The following CSMD3 variants were observed in gnomAD, a reference collection of about 807,000 sequenced individuals.
CSMD3 encodes CUB and sushi domain-containing protein 3.
Under a neutral mutation model 435.2 loss-of-function variants are expected in CSMD3, and 177 were observed. The ratio of observed to expected loss-of-function variants is 0.41; its 90% CI spans 0.36 to 0.46. The LOEUF is 0.46. Among genes scored for constraint, CSMD3 ranks in the 20% least tolerant of loss-of-function variants. The probability of loss-of-function intolerance (pLI) is 0.34; values close to 1 mark genes in which losing one functional copy is unlikely to be tolerated. For missense variants in CSMD3, 4,265 were observed against 4,504.6 expected, an observed-to-expected ratio of 0.95 and a Z score of 1.52; for synonymous variants, 1,656 against 1,520.5, an observed-to-expected ratio of 1.09 and a Z score of -2.07.
intron 3 of CSMD3, among the ~76,000 whole-genome samples, chr8:113,182,376 T>G (rs992303224): frequency 6.6e-6 from 1 of 151,940 alleles, no homozygotes; most frequent in African/African-American, 2.4e-5. Context: ...CAGAATAAGT[T>G]GCTTTTAATA....
At chr8:112,749,102 C>CT (rs2077507578) in intron 13 of CSMD3, among the ~76,000 whole-genome samples, 1 of 151,992 alleles carries the variant, frequency 6.6e-6, no homozygotes, top group South Asian at 2.1e-4. Flanking sequence ...TGATATTGAG[C>CT]TTTTTTTCAT....
chr8:112,907,852 G>C (rs1443101374), intron 10 of CSMD3, among the ~76,000 whole-genome samples: 1 of 151,402 alleles, frequency 6.6e-6, no homozygotes, highest in Non-Finnish European at 1.5e-5. Flanking sequence ...CATATTCTAT[G>C]ATACTAGTGA....
chr8:112,682,644 A>G lies in CSMD3; in HGVS notation c.2483-8T>C. ...ATTCATTATGTCCAAATGCTTTAGAATAATATGCAAAGAAAAATACACAAA... is the reference window on the plus strand; with the variant it reads ...ATTCATTATGTCCAAATGCTTTAGAGTAATATGCAAAGAAAAATACACAAA... On this transcript the variant is annotated splice_region_variant and splice_polypyrimidine_tract_variant and intron_variant, in intron 15 of 70. Coordinates refer to ENST00000297405, the MANE Select transcript of CSMD3 (RefSeq NM_198123.2). 3 of 1,582,928 alleles carry G rather than the reference A, an allele frequency of 1.9e-6. No homozygotes were observed. The African/African-American group carries it at 4.0e-5, about 21-fold the overall frequency.
chr8:112,756,376 G>A (rs1258654336), intron 13 of CSMD3, among the ~76,000 whole-genome samples: 2 of 152,052 alleles, frequency 1.3e-5, no homozygotes, highest in Non-Finnish European at 2.9e-5. Flanking sequence ...GTTCCTAATA[G>A]GAGTATTTTA....
intron 4 of CSMD3, among the ~76,000 whole-genome samples, chr8:113,129,021 C>T (rs1287207475): frequency 6.6e-6 from 1 of 152,098 alleles, no homozygotes; most frequent in Non-Finnish European, 1.5e-5. Flanking sequence ...AGACTCTCTT[C>T]CATTTGGAAG....
intron 9 of CSMD3, among the ~76,000 whole-genome samples, chr8:112,934,683 C>T (rs538873270): frequency 7.9e-5 from 12 of 152,030 alleles, no homozygotes; most frequent in Middle Eastern, 3.4e-3. Flanking sequence ...GTTGCTTAGC[C>T]ACAGCTACTA....
At chr8:112,581,851 C>T (rs926379451) in intron 23 of CSMD3, among the ~76,000 whole-genome samples, 2 of 151,870 alleles carry the variant, frequency 1.3e-5, no homozygotes, top group Non-Finnish European at 2.9e-5. Context: ...GGTGAGTTTA[C>T]CAGTTTATAG....
At chr8:112,335,737 G>GTT (rs60064881) in intron 44 of CSMD3, among the ~76,000 whole-genome samples, 26,187 of 134,178 alleles carry the variant, frequency 0.2, 2,768 homozygotes, top group Middle Eastern at 0.34. Context: ...CATTGTCTTT[G>GTT]TTTTTTTTTT....
chr8:112,894,079 C>A lies in CSMD3; in HGVS notation c.1633+27548G>T, dbSNP rs192651687. ...ACAAACAAACAAACAAGAAACACAA[C>A]AAAGGGTTTCTGTAATATCAAACTT... On this transcript the variant is annotated intron_variant, in intron 10 of 70. Transcript: ENST00000297405. Among the ~76,000 whole-genome samples, 226 of 151,500 alleles carry A rather than the reference C, an allele frequency of 1.5e-3. 1 individual carries two copies. The highest frequency in any genetic ancestry group is 5.3e-3 in the African/African-American group (221 of 41,458).
chr8:113,143,287 C>T (rs542937430), intron 4 of CSMD3, among the ~76,000 whole-genome samples: 1 of 151,218 alleles, frequency 6.6e-6, no homozygotes, highest in South Asian at 2.1e-4. Flanking sequence ...ATATATCCAC[C>T]AGAATGGCTA....
At chr8:113,322,226 A>T (rs1402861384) in intron 1 of CSMD3, among the ~76,000 whole-genome samples, 1 of 152,146 alleles carries the variant, frequency 6.6e-6, no homozygotes, top group Non-Finnish European at 1.5e-5. Context: ...ACTTTTACTC[A>T]TAAATTTATT....
In CSMD3 at chr8:112,764,262, T is replaced by C. The variant is rs531876248; in HGVS notation, c.1972+35900A>G. 1.1e-3 allele frequency among the ~76,000 whole-genome samples: 160 copies of C among 151,622 alleles called. 1 individual carries two copies. The highest frequency in any genetic ancestry group is 3.6e-3 in the African/African-American group (149 of 41,484). On this transcript the variant is annotated intron_variant, in intron 13 of 70. Coordinates refer to ENST00000297405, the MANE Select transcript of CSMD3 (RefSeq NM_198123.2). ...ATGAGTGGAGGGAACAGCATTTTCATTTTAAGCAAAAATTTAAAAACTTCT... is the reference window on the plus strand; with the variant it reads ...ATGAGTGGAGGGAACAGCATTTTCACTTTAAGCAAAAATTTAAAAACTTCT...
chr8:113,328,746 T>TTG (rs2132754629), intron 1 of CSMD3, among the ~76,000 whole-genome samples: 1 of 125,156 alleles, frequency 8.0e-6, no homozygotes, highest in African/African-American at 3.2e-5. Context: ...TTTTTTTTTT[T>TTG]TTTTTTTTTT....
At chr8:112,493,800 G>A (rs1012368617) in intron 30 of CSMD3, among the ~76,000 whole-genome samples, 1 of 152,074 alleles carries the variant, frequency 6.6e-6, no homozygotes, top group Non-Finnish European at 1.5e-5. Context: ...TCTGGATGAG[G>A]CCTTGAGATT....
chr8:113,063,502 A>T (rs1016235256), intron 5 of CSMD3, among the ~76,000 whole-genome samples: 11 of 151,988 alleles, frequency 7.2e-5, no homozygotes, highest in Non-Finnish European at 1.0e-4. Flanking sequence ...AATAGTGACA[A>T]GATTCATGTC....
intron 7 of CSMD3, among the ~76,000 whole-genome samples, chr8:112,965,418 CT>C (rs1211437955): frequency 3.3e-5 from 5 of 151,340 alleles, no homozygotes; most frequent in Non-Finnish European, 7.4e-5. Context: ...TAAAAATAAG[CT>C]AACAAGATAT....
chr8:113,038,434 A>G (rs2087454531), intron 5 of CSMD3, among the ~76,000 whole-genome samples: 1 of 152,204 alleles, frequency 6.6e-6, no homozygotes, highest in Admixed American at 6.6e-5. Context: ...ACAGATACAG[A>G]GTCAGCTTTT....
At chr8:112,695,088 T>A (rs1467307933) in intron 13 of CSMD3, among the ~76,000 whole-genome samples, 1 of 152,104 alleles carries the variant, frequency 6.6e-6, no homozygotes, top group Admixed American at 6.5e-5. Flanking sequence ...TCGGGTCACT[T>A]CCACTCTAAT....
intron 32 of CSMD3, among the ~76,000 whole-genome samples, chr8:112,443,028 T>C: frequency 6.6e-6 from 1 of 152,222 alleles, no homozygotes; most frequent in East Asian, 1.9e-4. Flanking sequence ...ATCCTAATAA[T>C]ATAATCCCCT....
Sources: allele counts gnomAD v4.1 joint callset (sites outside exome capture counted in the v4.1 genomes callset), GRCh38; gene constraint gnomAD v4.1.1; transcripts MANE v1.5; gene names NCBI Gene and HGNC (gene_info 2026-07-23, HGNC 2026-07-21).